EPS15L1: variants seen among roughly 807,000 people sequenced by gnomAD.
EPS15L1 encodes epidermal growth factor receptor substrate 15-like 1.
A neutral mutation model predicts 117.1 loss-of-function variants in EPS15L1; 43 were observed. The ratio of observed to expected loss-of-function variants is 0.37; its 90% CI spans 0.29 to 0.47. EPS15L1 has a LOEUF of 0.47. Among genes scored for constraint, EPS15L1 ranks in the 20% least tolerant of loss-of-function variants. The pLI is 0.99. For missense variants in EPS15L1, 981 were observed against 1,164.0 expected (o/e 0.84, Z 2.29); for synonymous variants, 459 against 470.5 (o/e 0.98, Z 0.32).
At chr19:16,374,637 G>C (rs760656632) in intron 22 of EPS15L1, among the ~76,000 whole-genome samples, 1 of 152,232 alleles carries the variant, frequency 6.6e-6, no homozygotes, top group African/African-American at 2.4e-5. Context: ...CCAGCGCCGG[G>C]TTTAGGTACG....
chr19:16,458,592 C>T (rs531165979), intron 1 of EPS15L1, among the ~76,000 whole-genome samples: 71 of 152,130 alleles, frequency 4.7e-4, no homozygotes, highest in African/African-American at 1.6e-3. Flanking sequence ...GGGTGTGTAA[C>T]GGAGGCTAAG....
At chr19:16,382,334 G>A (rs983039546) in intron 21 of EPS15L1, among the ~76,000 whole-genome samples, 10 of 152,096 alleles carry the variant, frequency 6.6e-5, no homozygotes, top group Non-Finnish European at 1.5e-4. Context: ...TTCCTACTCG[G>A]GCAGCGGCTT....
At chr19:16,460,046 A>G (rs1450771601) in intron 1 of EPS15L1, among the ~76,000 whole-genome samples, 1 of 152,226 alleles carries the variant, frequency 6.6e-6, no homozygotes, top group African/African-American at 2.4e-5. Flanking sequence ...AGATTAAGGC[A>G]GGAGGATCCC....
chr19:16,422,786 CT>C, intron 9 of EPS15L1, among the ~76,000 whole-genome samples: 1 of 152,160 alleles, frequency 6.6e-6, no homozygotes, highest in East Asian at 1.9e-4. Flanking sequence ...GTGAAACCCC[CT>C]CTCTACTAAA....
intron 1 of EPS15L1, among the ~76,000 whole-genome samples, chr19:16,450,637 C>T (rs2093132087): frequency 6.6e-6 from 1 of 151,662 alleles, no homozygotes; most frequent in South Asian, 2.1e-4. Flanking sequence ...CATGCCAACA[C>T]ACCTGGCTAA....
chr19:16,464,467 G>A (rs2093281453), intron 1 of EPS15L1, among the ~76,000 whole-genome samples: 1 of 152,164 alleles, frequency 6.6e-6, no homozygotes, highest in South Asian at 2.1e-4. Context: ...CCGATTTGTA[G>A]CCCAGACACA....
chr19:16,417,140 C>G (rs564791444), intron 12 of EPS15L1, among the ~76,000 whole-genome samples: 46 of 152,272 alleles, frequency 3.0e-4, no homozygotes, highest in African/African-American at 1.0e-3. Flanking sequence ...GCCACAGGCT[C>G]TGCCCATGAC....
intron 21 of EPS15L1, among the ~76,000 whole-genome samples, chr19:16,377,510 C>T (rs57357644): frequency 0.013 from 1,946 of 152,228 alleles, 40 homozygotes; most frequent in African/African-American, 0.044. Flanking sequence ...CATACCTCCA[C>T]GGGCTTCTAG....
intron 1 of EPS15L1, among the ~76,000 whole-genome samples, chr19:16,470,870 T>G (rs1371608256): frequency 6.6e-6 from 1 of 152,210 alleles, no homozygotes; most frequent in Non-Finnish European, 1.5e-5. Flanking sequence ...GGCACTGTTC[T>G]AAGCGCTTTT....
rs914332262 is a variant in EPS15L1, at chr19:16,381,427, C to A, written c.2247+3702G>T. On this transcript the variant is annotated intron_variant, in intron 21 of 23. Coordinates refer to ENST00000455140, the MANE Select transcript of EPS15L1 (RefSeq NM_001258374.3). The surrounding 1 kb of genome is among the most constrained non-coding windows in gnomAD (Gnocchi z 4.2). Reference sequence around the variant, plus strand: ...TCCTGGGCAGACTGTCCTGCCCAGGCTGGAACCCCAACCCTGCCACCTACT... The same window carrying A: ...TCCTGGGCAGACTGTCCTGCCCAGGATGGAACCCCAACCCTGCCACCTACT... Among the ~76,000 whole-genome samples the A allele has an allele frequency of 6.6e-6, 1 of 152,246 alleles. No homozygotes were observed. The highest frequency in any genetic ancestry group is 6.5e-5 in the Admixed American group (1 of 15,290).
chr19:16,393,605 C>T (rs1383882785), intron 18 of EPS15L1, among the ~76,000 whole-genome samples: 2 of 148,338 alleles, frequency 1.3e-5, no homozygotes, highest in African/African-American at 5.0e-5. Context: ...GCCGAGATCG[C>T]GCCACTGCAC....
chr19:16,458,288 G>A (rs1173149793), intron 1 of EPS15L1, among the ~76,000 whole-genome samples: 7 of 152,078 alleles, frequency 4.6e-5, no homozygotes, highest in Admixed American at 2.0e-4. Context: ...CGAGGCTCCC[G>A]GACCCCACAG....
intron 19 of EPS15L1, among the ~76,000 whole-genome samples, chr19:16,390,663 T>G (rs979637506): frequency 2.6e-5 from 4 of 152,120 alleles, no homozygotes; most frequent in Non-Finnish European, 1.5e-5. Flanking sequence ...CAAATTTAAT[T>G]AAAAATCAAT....
intron 1 of EPS15L1, among the ~76,000 whole-genome samples, chr19:16,453,327 A>C (rs887859210): frequency 2.0e-5 from 3 of 151,156 alleles, no homozygotes; most frequent in African/African-American, 7.3e-5. Flanking sequence ...CCAGTCTCTA[A>C]CTCCTGGGTT....
At chr19:16,449,247 A>AAAACAAACAAAC (rs140126191) in intron 1 of EPS15L1, among the ~76,000 whole-genome samples, 23 of 151,812 alleles carry the variant, frequency 1.5e-4, no homozygotes, top group African/African-American at 5.6e-4. Context: ...GATTTCTTAA[A>AAAACAAACAAAC]AAACAAACAA....
chr19:16,384,631 G>A (rs1261072367), intron 21 of EPS15L1, among the ~76,000 whole-genome samples: 1 of 152,178 alleles, frequency 6.6e-6, no homozygotes, highest in Non-Finnish European at 1.5e-5. Context: ...CCTCGCTGCT[G>A]TCCTCCTTCA....
At chr19:16,396,911 A>C (rs142000971) in intron 16 of EPS15L1, among the ~76,000 whole-genome samples, 1 of 151,558 alleles carries the variant, frequency 6.6e-6, no homozygotes, top group African/African-American at 2.4e-5. Context: ...TCACATTCAC[A>C]GTGACGAAGT....
rs2093198713 is a variant in EPS15L1, at chr19:16,456,590, A to G, written c.34-14371T>C. Among the ~76,000 whole-genome samples the G allele has an allele frequency of 3.3e-5, 5 of 151,894 alleles. No individual in the cohort carries two copies. In the South Asian group the frequency reaches 1.0e-3, roughly 32 times the overall value. ...GAGAACCGCTTGAACCCAGGAGGCT[A>G]GAGGTTGCAGTGAGCCAAGATGATG... On this transcript the variant is annotated intron_variant, in intron 1 of 23. Coordinates refer to ENST00000455140, the MANE Select transcript of EPS15L1 (RefSeq NM_001258374.3).
chr19:16,369,668 GAA>G, intron 22 of EPS15L1, among the ~76,000 whole-genome samples: 1 of 101,000 alleles, frequency 9.9e-6, no homozygotes, highest in African/African-American at 4.3e-5. Flanking sequence ...AGCCCTGGAA[GAA>G]AAAAAAGTGT....
Sources: gnomAD v4.1 joint callset for allele counts (sites outside exome capture counted in the v4.1 genomes callset) on GRCh38, gnomAD v4.1.1 for gene constraint, Gnocchi (gnomAD v3.1) non-coding constraint, MANE v1.5 for transcripts, NCBI Gene and HGNC (gene_info 2026-07-23, HGNC 2026-07-21) for gene names.